BCAS3: variants seen among roughly 807,000 people sequenced by gnomAD.
BCAS3 encodes the protein BCAS4/BCAS3 fusion.
A neutral mutation model predicts 116.1 loss-of-function variants in BCAS3; 53 were observed. The ratio of observed to expected loss-of-function variants is 0.46; its 90% CI spans 0.37 to 0.57. The LOEUF is 0.57. BCAS3 is among the 20% of genes least tolerant of loss of function. The pLI, the probability that BCAS3 is intolerant of heterozygous loss-of-function variation, is 0.00. For synonymous variants in BCAS3, 391 were observed against 408.2 expected (o/e 0.96, Z 0.51); for missense variants, 917 against 1,165.4 (o/e 0.79, Z 3.10).
chr17:60,784,083 T>C (rs527674165), intron 6 of BCAS3, among the ~76,000 whole-genome samples: 135 of 152,312 alleles, frequency 8.9e-4, no homozygotes, highest in Non-Finnish European at 1.8e-3. Context: ...GTCAGAATTC[T>C]ATATTAAATA....
At chr17:61,018,671 A>G (rs2044053110) in intron 16 of BCAS3, among the ~76,000 whole-genome samples, 1 of 151,970 alleles carries the variant, frequency 6.6e-6, no homozygotes, top group Admixed American at 6.6e-5. Flanking sequence ...ATAAACACTA[A>G]CACGTCATTC....
chr17:61,054,364 CT>C (rs375016489), intron 19 of BCAS3, among the ~76,000 whole-genome samples: 3 of 151,412 alleles, frequency 2.0e-5, no homozygotes, highest in Non-Finnish European at 3.0e-5. Flanking sequence ...TGTCATAATT[CT>C]TTTTTTTTGG....
intron 7 of BCAS3, among the ~76,000 whole-genome samples, chr17:60,838,106 A>G (rs977660782): frequency 1.6e-4 from 24 of 152,170 alleles, no homozygotes; most frequent in African/African-American, 5.8e-4. Flanking sequence ...TTGATCACAG[A>G]ATTGATGAAT....
chr17:61,116,206 C>G (rs1775445641), intron 22 of BCAS3, among the ~76,000 whole-genome samples: 1 of 151,592 alleles, frequency 6.6e-6, no homozygotes, highest in East Asian at 1.9e-4. Context: ...CTAACCTGCA[C>G]AATGTGCGCA....
intron 13 of BCAS3, among the ~76,000 whole-genome samples, chr17:60,945,989 G>A (rs931157598): frequency 1.2e-4 from 18 of 151,794 alleles, no homozygotes; most frequent in South Asian, 2.1e-4. Context: ...GCATGGTGGC[G>A]GGCGCCTGTA....
intron 7 of BCAS3, among the ~76,000 whole-genome samples, chr17:60,845,381 G>A (rs1345742378): frequency 6.6e-6 from 1 of 152,220 alleles, no homozygotes; most frequent in Non-Finnish European, 1.5e-5. Flanking sequence ...AGAGAGAATT[G>A]TTTAGGGAGA....
rs561468089 is a variant in BCAS3, at chr17:61,136,364, C to G, written c.2425+51800C>G. On this transcript the variant is annotated intron_variant, in intron 22 of 23. Transcript: ENST00000407086. This position sits in a 1 kb window ranked among gnomAD's most constrained non-coding sequence, Gnocchi z 4.4. ...GACAGATACTGTCTCTTCTTCATCT[C>G]TATATCTGTAGAACAGGGTTTCTCA... 6.6e-6 allele frequency among the ~76,000 whole-genome samples: 1 copy of G among 152,310 alleles called. No individual in the cohort carries two copies. Among genetic ancestry groups the G allele is most frequent in the African/African-American group, 2.4e-5 (1 of 41,560 alleles).
chr17:60,747,189 C>T lies in BCAS3; in HGVS notation c.322-9C>T. 2 of 1,595,730 alleles carry T rather than the reference C, an allele frequency of 1.3e-6. No individual in the cohort carries two copies. Among genetic ancestry groups the T allele is most frequent in the South Asian group, 1.1e-5 (1 of 90,290 alleles). On this transcript the variant is annotated splice_polypyrimidine_tract_variant and intron_variant, in intron 5 of 23. Transcript: ENST00000407086. ...CCCACTGAAATATTTTCTTTCTTCT[C>T]TTATGCAGATCAGTGGTGAAGCACA...
In BCAS3 at chr17:61,206,841, G is replaced by A. The variant is rs1352512188; in HGVS notation, c.2425+122277G>A. Among the ~76,000 whole-genome samples, 9 of 147,498 alleles carry A rather than the reference G, an allele frequency of 6.1e-5. No individual in the cohort carries two copies. The South Asian group carries it at 1.1e-3, about 17-fold the overall frequency. On this transcript the variant is annotated intron_variant, in intron 22 of 23. Coordinates refer to ENST00000407086, the MANE Select transcript of BCAS3 (RefSeq NM_017679.5). ...AAAAAAAAAAAAAATTGTGAAGGGG[G>A]AATCCCCTATGAATGTACCAGTTTT...
intron 22 of BCAS3, among the ~76,000 whole-genome samples, chr17:61,150,988 A>C (rs1162894820): frequency 6.6e-6 from 1 of 152,206 alleles, no homozygotes; most frequent in Non-Finnish European, 1.5e-5. Flanking sequence ...TTTAATTCTG[A>C]TAAGGCCCTG....
At chr17:60,857,906 A>T (rs998357939) in intron 7 of BCAS3, among the ~76,000 whole-genome samples, 1 of 151,842 alleles carries the variant, frequency 6.6e-6, no homozygotes, top group Non-Finnish European at 1.5e-5. Context: ...CTTTCGTAAC[A>T]TTTGTTTTGT....
chr17:61,376,298 G>A lies in BCAS3; in HGVS notation c.2593+7804G>A, dbSNP rs191733064. 6.6e-6 allele frequency among the ~76,000 whole-genome samples: 1 copy of A among 152,302 alleles called. No individual in the cohort carries two copies. The highest frequency in any genetic ancestry group is 1.9e-4 in the East Asian group (1 of 5,176). On this transcript the variant is annotated intron_variant, in intron 23 of 23. Transcript: ENST00000407086. This position sits in a 1 kb window ranked among gnomAD's most constrained non-coding sequence, Gnocchi z 4.5. The stretch of plus-strand genomic sequence containing the variant: ...TGTTCCTGTCCTAAGCAAACCCGGA[G>A]GTTGTGTGAGCTGAAGATGCTGCCT...
At chr17:61,207,670 A>G (rs556054697) in intron 22 of BCAS3, among the ~76,000 whole-genome samples, 1 of 152,230 alleles carries the variant, frequency 6.6e-6, no homozygotes, top group South Asian at 2.1e-4. Flanking sequence ...AGTGGTTAGC[A>G]TCTTAGAAAC....
At position 61,325,544 on chromosome 17, in the gene BCAS3, C is replaced by G. The variant is rs1277307388; in HGVS notation, c.2426-42783C>G. Among the ~76,000 whole-genome samples, 1 of 152,202 alleles carries G rather than the reference C, an allele frequency of 6.6e-6. No homozygotes were observed. Among genetic ancestry groups the G allele is most frequent in the Non-Finnish European group, 1.5e-5 (1 of 68,032 alleles). ...TGGCAGGCACATTTCACACTGAATT[C>G]CACCCCATGGGGCTGTGTCTAATTG... On this transcript the variant is annotated intron_variant, in intron 22 of 23. Coordinates refer to ENST00000407086, the MANE Select transcript of BCAS3 (RefSeq NM_017679.5). The surrounding 1 kb of genome is among the most constrained non-coding windows in gnomAD (Gnocchi z 6.4).
chr17:61,095,392 A>G lies in BCAS3; in HGVS notation c.2425+10828A>G, dbSNP rs1237271575. ...TCATTGTTTTTAAATTAGCTGATAC[A>G]TAATTGTATTAAATGTTGATAGATA... On this transcript the variant is annotated intron_variant, in intron 22 of 23. Transcript: ENST00000407086. The surrounding 1 kb of genome is among the most constrained non-coding windows in gnomAD (Gnocchi z 4.7). Among the ~76,000 whole-genome samples the G allele has an allele frequency of 2.6e-5, 4 of 152,238 alleles. No homozygotes were observed. Among genetic ancestry groups the G allele is most frequent in the African/African-American group, 9.6e-5 (4 of 41,470 alleles).
At position 61,162,783 on chromosome 17, in the gene BCAS3, C is replaced by T. The variant is rs1370224427; in HGVS notation, c.2425+78219C>T. 6.6e-6 allele frequency among the ~76,000 whole-genome samples: 1 copy of T among 152,186 alleles called. No homozygotes were observed. Among genetic ancestry groups the T allele is most frequent in the Non-Finnish European group, 1.5e-5 (1 of 68,034 alleles). On this transcript the variant is annotated intron_variant, in intron 22 of 23. Coordinates refer to ENST00000407086, the MANE Select transcript of BCAS3 (RefSeq NM_017679.5). The surrounding 1 kb of genome is among the most constrained non-coding windows in gnomAD (Gnocchi z 5.6). ...CAGCCGAGGCTGCAACCCGAGGAAC[C>T]ACTCCTGATGGAATATGAGAAAGAA...
chr17:61,222,983 TC>T lies in BCAS3; in HGVS notation c.2425+138420del, dbSNP rs1378079586. On this transcript the variant is annotated intron_variant, in intron 22 of 23. Transcript: ENST00000407086. This position sits in a 1 kb window ranked among gnomAD's most constrained non-coding sequence, Gnocchi z 6.1. The stretch of plus-strand genomic sequence containing the variant: ...CATCCTGCCTGCCACACTGGGCTTT[TC>T]TCCTTTTCCAGTCCGGTTGTTCCCA... Among the ~76,000 whole-genome samples, 2 of 152,162 alleles carry T rather than the reference TC, an allele frequency of 1.3e-5. No homozygotes were observed. Among genetic ancestry groups the T allele is most frequent in the African/African-American group, 4.8e-5 (2 of 41,430 alleles).
At chr17:61,231,443 C>A (rs1182822691) in intron 22 of BCAS3, among the ~76,000 whole-genome samples, 1 of 152,056 alleles carries the variant, frequency 6.6e-6, no homozygotes, top group Non-Finnish European at 1.5e-5. Context: ...GATAAGAAAC[C>A]GGTTTTAGAA....
At chr17:60,686,190 G>T (rs1273640196) in intron 3 of BCAS3, among the ~76,000 whole-genome samples, 2 of 152,042 alleles carry the variant, frequency 1.3e-5, no homozygotes, top group Non-Finnish European at 2.9e-5. Flanking sequence ...TTTTTCTACT[G>T]TTTGGTTGAC....
Sources: allele counts gnomAD v4.1 joint callset (sites outside exome capture counted in the v4.1 genomes callset), GRCh38; gene constraint gnomAD v4.1.1; non-coding constraint Gnocchi (gnomAD v3.1); transcripts MANE v1.5; gene names NCBI Gene and HGNC (gene_info 2026-07-23, HGNC 2026-07-21).